The following CNIH3 variants were observed in gnomAD, a reference collection of about 807,000 sequenced individuals.
The protein encoded by CNIH3 is cornichon family AMPA receptor auxiliary protein 3.
Under a neutral mutation model 24.1 loss-of-function variants are expected in CNIH3, and 14 were observed. The ratio of observed to expected loss-of-function variants is 0.58; its 90% CI spans 0.38 to 0.91. The LOEUF (loss-of-function observed/expected upper bound fraction) is 0.91. Among genes scored for constraint, CNIH3 ranks in the 40% least tolerant of loss-of-function variants. CNIH3 has a pLI of 0.00. For missense variants in CNIH3, 178 were observed against 196.8 expected, an observed-to-expected ratio of 0.90 and a Z score of 0.57; for synonymous variants, 68 against 73.8, an observed-to-expected ratio of 0.92 and a Z score of 0.40.
intron 2 of CNIH3, among the ~76,000 whole-genome samples, chr1:224,543,714 T>C (rs1679600329): frequency 6.6e-6 from 1 of 152,236 alleles, no homozygotes; most frequent in Non-Finnish European, 1.5e-5. Context: ...CCTGTCTCCC[T>C]GGCCTTACCT....
chr1:224,626,725 G>C (rs1357002647), intron 1 of CNIH3, among the ~76,000 whole-genome samples: 1 of 152,128 alleles, frequency 6.6e-6, no homozygotes, highest in African/African-American at 2.4e-5. Context: ...TTACAACATA[G>C]CATTGACCTA....
rs549171613 is a variant in CNIH3, at chr1:224,484,324, G to A, written n.204-31417G>A. Among the ~76,000 whole-genome samples, 228 of 152,186 alleles carry A rather than the reference G, an allele frequency of 1.5e-3. 1 individual carries two copies. Among genetic ancestry groups the A allele is most frequent in the Non-Finnish European group, 2.8e-3 (188 of 68,010 alleles). The stretch of plus-strand genomic sequence containing the variant: ...GGGCACCTGTAGTCCCAGCTACTGG[G>A]GCGGCTGAGGCAGGAGAATGGCACG... On this transcript the variant is annotated intron_variant and non_coding_transcript_variant, in intron 1 of 5. Transcript: ENST00000471578.
chr1:224,508,233 G>GT (rs1006921241), intron 1 of CNIH3, among the ~76,000 whole-genome samples: 1 of 152,120 alleles, frequency 6.6e-6, no homozygotes, highest in African/African-American at 2.4e-5. Flanking sequence ...CTTCAGATAT[G>GT]TTTTTTTCTA....
chr1:224,592,779 T>G (rs893947075), downstream of CNIH3, among the ~76,000 whole-genome samples: 5 of 152,160 alleles, frequency 3.3e-5, no homozygotes, highest in African/African-American at 9.7e-5. Flanking sequence ...GCTCCCCTAC[T>G]CAAGCTCCAC....
At chr1:224,671,334 G>C (rs915928737) in intron 1 of CNIH3, among the ~76,000 whole-genome samples, 14 of 152,190 alleles carry the variant, frequency 9.2e-5, no homozygotes, top group Admixed American at 2.6e-4. Flanking sequence ...CTAGACTCTT[G>C]GTCATACGGG....
intron 3 of CNIH3, among the ~76,000 whole-genome samples, chr1:224,556,071 A>G (rs551946793): frequency 2.0e-5 from 3 of 152,182 alleles, no homozygotes; most frequent in Non-Finnish European, 4.4e-5. Context: ...GTTGTCTCAA[A>G]GTGCTCTCAT....
At chr1:224,489,268 G>A (rs1005643011) in intron 1 of CNIH3, among the ~76,000 whole-genome samples, 3 of 152,192 alleles carry the variant, frequency 2.0e-5, no homozygotes, top group African/African-American at 7.2e-5. Flanking sequence ...CACACATGTG[G>A]TTCCAGCATC....
chr1:224,630,468 C>A (rs1427353069), intron 1 of CNIH3, among the ~76,000 whole-genome samples: 1 of 152,058 alleles, frequency 6.6e-6, no homozygotes, highest in Non-Finnish European at 1.5e-5. Flanking sequence ...AAAAAACAAC[C>A]AGATTTGTAA....
chr1:224,615,385 C>G (rs1490190515), upstream of CNIH3: 1 of 152,212 alleles, frequency 6.6e-6, no homozygotes, highest in Non-Finnish European at 1.5e-5. Flanking sequence ...CGTCAGGAAT[C>G]TCTTGCAAAG....
intron 1 of CNIH3, chr1:224,437,153 C>G (rs552759611): frequency 6.6e-6 from 1 of 152,162 alleles, no homozygotes; most frequent in Non-Finnish European, 1.5e-5. Flanking sequence ...AGACCTCTGT[C>G]CCCCTGATTT....
chr1:224,570,877 G>GGAT (rs1442013170), intron 4 of CNIH3, among the ~76,000 whole-genome samples: 1 of 151,568 alleles, frequency 6.6e-6, no homozygotes, highest in Admixed American at 6.6e-5. Context: ...GTGTTCAATA[G>GGAT]GATAGATCCA....
chr1:224,678,296 G>T (rs560565433), intron 1 of CNIH3, among the ~76,000 whole-genome samples: 2 of 152,178 alleles, frequency 1.3e-5, no homozygotes, highest in East Asian at 3.9e-4. Flanking sequence ...TAATTAATTC[G>T]AATTCAGTAT....
At chr1:224,737,737 A>G (rs1689666942) in intron 5 of CNIH3, among the ~76,000 whole-genome samples, 1 of 152,158 alleles carries the variant, frequency 6.6e-6, no homozygotes. Context: ...AGGTTAAGAA[A>G]TGTGTCTCAG....
At chr1:224,579,752 A>G (rs1342563435) in intron 4 of CNIH3, among the ~76,000 whole-genome samples, 2 of 151,822 alleles carry the variant, frequency 1.3e-5, no homozygotes, top group African/African-American at 4.8e-5. Context: ...AGAGCCTGGA[A>G]CTTTCCCCCC....
At chr1:224,637,283 T>C (rs1193602456) in intron 1 of CNIH3, among the ~76,000 whole-genome samples, 1 of 152,052 alleles carries the variant, frequency 6.6e-6, no homozygotes, top group Non-Finnish European at 1.5e-5. Flanking sequence ...TGAGCAGATA[T>C]TTCCATCTGC....
intron 2 of CNIH3, among the ~76,000 whole-genome samples, chr1:224,681,687 C>T (rs1179658433): frequency 6.6e-6 from 1 of 152,138 alleles, no homozygotes; most frequent in Admixed American, 6.5e-5. Context: ...TGACTGGGAG[C>T]TTCTGAATGG....
At chr1:224,434,805 A>C (rs904350799) in exon 1 of CNIH3, 1 of 986,068 alleles carries the variant, frequency 1.0e-6, no homozygotes, top group Non-Finnish European at 1.2e-6. Context: ...AATGGAGTCC[A>C]GGCGCTCGCG....
chr1:224,684,895 G>C lies in CNIH3; in HGVS notation c.198+52G>C, dbSNP rs765813791. 6.5e-7 allele frequency: 1 copy of C among 1,549,726 alleles called. No homozygotes were observed. Among genetic ancestry groups the C allele is most frequent in the Non-Finnish European group, 8.9e-7 (1 of 1,121,458 alleles). ...ATGGAGGATCGCATGGTGGTGGGTG[G>C]GCACACAGTGAAAGAGGCTAGTGAG... On this transcript the variant is annotated intron_variant, in intron 3 of 5. Transcript: ENST00000272133. The surrounding 1 kb of genome is among the most constrained non-coding windows in gnomAD (Gnocchi z 4.2).
intron 5 of CNIH3, among the ~76,000 whole-genome samples, chr1:224,588,151 C>T (rs1010544761): frequency 5.3e-5 from 8 of 152,000 alleles, no homozygotes; most frequent in Non-Finnish European, 8.8e-5. Flanking sequence ...GAGCTGTCAG[C>T]CTCTTGTGGG....
Sources: allele counts gnomAD v4.1 joint callset (sites outside exome capture counted in the v4.1 genomes callset), GRCh38; gene constraint gnomAD v4.1.1; non-coding constraint Gnocchi (gnomAD v3.1); transcripts MANE v1.5; gene names NCBI Gene and HGNC (gene_info 2026-07-23, HGNC 2026-07-21).